The following FOXP2 variants were observed in gnomAD, a reference collection of about 807,000 sequenced individuals.
The protein encoded by FOXP2 is forkhead box protein P2.
A neutral mutation model predicts 115.8 loss-of-function variants in FOXP2; 12 were observed. That is an observed-to-expected ratio of 0.10 (90% CI 0.07 to 0.17). The LOEUF is 0.17. Among genes scored for constraint, FOXP2 ranks in the 10% least tolerant of loss-of-function variants. The pLI, the probability that FOXP2 is intolerant of heterozygous loss-of-function variation, is 1.00. For synonymous variants in FOXP2, 328 were observed against 297.7 expected, an observed-to-expected ratio of 1.10 and a Z score of -1.05; for missense variants, 629 against 843.5, an observed-to-expected ratio of 0.75 and a Z score of 3.15.
intron 1 of FOXP2, among the ~76,000 whole-genome samples, chr7:114,426,049 C>T (rs1275868710): frequency 6.6e-6 from 1 of 151,646 alleles, no homozygotes; most frequent in African/African-American, 2.4e-5. Flanking sequence ...CATCATTAAA[C>T]AACAGCCTTG....
intron 1 of FOXP2, among the ~76,000 whole-genome samples, chr7:114,154,310 T>C (rs1283307702): frequency 6.6e-6 from 1 of 152,012 alleles, no homozygotes; most frequent in African/African-American, 2.4e-5. Flanking sequence ...CAAACTCAAT[T>C]GTCAGGGCAA....
intron 2 of FOXP2, chr7:114,297,373 T>C: frequency 1.4e-6 from 1 of 722,624 alleles, no homozygotes; most frequent in Non-Finnish European, 2.3e-6. Context: ...CTCACGTTCT[T>C]GGTCACCTTG....
chr7:114,289,938 TG>T (rs773524444), intron 2 of FOXP2, among the ~76,000 whole-genome samples: 21 of 151,872 alleles, frequency 1.4e-4, no homozygotes, highest in Non-Finnish European at 2.8e-4. Context: ...AGGAAGAAAA[TG>T]TTGGAGAAGC....
chr7:114,212,570 C>A (rs1198936797), intron 1 of FOXP2, among the ~76,000 whole-genome samples: 1 of 150,690 alleles, frequency 6.6e-6, no homozygotes, highest in Non-Finnish European at 1.5e-5. Flanking sequence ...AAAAAAAAAA[C>A]AAGGAGTTTG....
At chr7:114,219,477 A>G (rs1794563693) in intron 1 of FOXP2, among the ~76,000 whole-genome samples, 1 of 152,206 alleles carries the variant, frequency 6.6e-6, no homozygotes, top group Non-Finnish European at 1.5e-5. Context: ...TCTTATCAAT[A>G]GTAACAGCTA....
intron 2 of FOXP2, among the ~76,000 whole-genome samples, chr7:114,434,304 T>C (rs946240693): frequency 6.6e-6 from 1 of 151,768 alleles, no homozygotes; most frequent in African/African-American, 2.4e-5. Flanking sequence ...ATAATTGAGA[T>C]TAGTGAGAAA....
intron 2 of FOXP2, among the ~76,000 whole-genome samples, chr7:114,512,572 T>C (rs996373449): frequency 6.6e-6 from 1 of 152,188 alleles, no homozygotes; most frequent in Non-Finnish European, 1.5e-5. Flanking sequence ...GCCAAAGGTT[T>C]GCTCAGTGAT....
At chr7:114,502,167 T>G (rs1386916360) in intron 2 of FOXP2, among the ~76,000 whole-genome samples, 3 of 152,080 alleles carry the variant, frequency 2.0e-5, no homozygotes, top group Admixed American at 2.0e-4. Flanking sequence ...TATTGTAAAT[T>G]TTTTTGGTCA....
chr7:114,553,082 C>A (rs972893859), intron 3 of FOXP2, among the ~76,000 whole-genome samples: 4 of 151,436 alleles, frequency 2.6e-5, no homozygotes, highest in Non-Finnish European at 5.9e-5. Context: ...TAAAAAAAAA[C>A]TGACAAAGTA....
chr7:114,413,627 C>A (rs551260222), upstream of FOXP2, among the ~76,000 whole-genome samples: 2 of 152,180 alleles, frequency 1.3e-5, no homozygotes, highest in Non-Finnish European at 2.9e-5. Flanking sequence ...AGAAATAGTG[C>A]AGCCTCAGGG....
chr7:114,267,220 A>G (rs1795915762), intron 1 of FOXP2, among the ~76,000 whole-genome samples: 2 of 152,158 alleles, frequency 1.3e-5, no homozygotes, highest in African/African-American at 4.8e-5. Flanking sequence ...CCAGCTTTCT[A>G]GATCCTAAAG....
rs1791582699 is a variant in FOXP2, at chr7:114,122,131, T to C, written c.-247+34293T>C. 2.0e-5 allele frequency among the ~76,000 whole-genome samples: 3 copies of C among 151,744 alleles called. No homozygotes were observed. In the South Asian group the frequency reaches 6.2e-4, roughly 32 times the overall value. ...ATTTTCTTCATAAACTTGAAGTAAA[T>C]AACTATTTTTCTTGGCATAAAACAC... On this transcript the variant is annotated intron_variant, in intron 1 of 19. Transcript: ENST00000635638.
chr7:114,557,963 C>A (rs1255386043), intron 3 of FOXP2, among the ~76,000 whole-genome samples: 2 of 151,986 alleles, frequency 1.3e-5, no homozygotes. Context: ...TGCCCACCAC[C>A]ACACCTGGCT....
intron 2 of FOXP2, among the ~76,000 whole-genome samples, chr7:114,455,039 AT>A (rs1300225091): frequency 7.2e-5 from 11 of 151,974 alleles, no homozygotes; most frequent in Non-Finnish European, 1.0e-4. Context: ...AGAAAAAAAA[AT>A]CTTGATGTTT....
intron 1 of FOXP2, among the ~76,000 whole-genome samples, chr7:114,260,898 GA>G (rs142946813): frequency 0.076 from 11,538 of 151,940 alleles, 1,048 homozygotes; most frequent in African/African-American, 0.22. Flanking sequence ...AGAAATTAAC[GA>G]GTGGGTGGAA....
chr7:114,215,568 T>C (rs1429400683), intron 1 of FOXP2, among the ~76,000 whole-genome samples: 1 of 152,156 alleles, frequency 6.6e-6, no homozygotes, highest in Non-Finnish European at 1.5e-5. Context: ...AAATCCATGA[T>C]AAAGAAAATG....
At chr7:114,364,596 T>G (rs2129188162) in intron 2 of FOXP2, among the ~76,000 whole-genome samples, 1 of 152,350 alleles carries the variant, frequency 6.6e-6, no homozygotes, top group African/African-American at 2.4e-5. Flanking sequence ...ACTTTCTTCC[T>G]TTAAAATTTA....
At chr7:114,480,613 A>G (rs1796485200) in intron 2 of FOXP2, among the ~76,000 whole-genome samples, 1 of 150,306 alleles carries the variant, frequency 6.7e-6, no homozygotes. Flanking sequence ...ATACATATAT[A>G]AACATATATA....
intron 1 of FOXP2, among the ~76,000 whole-genome samples, chr7:114,206,889 A>G (rs1047441967): frequency 2.0e-5 from 3 of 152,186 alleles, no homozygotes; most frequent in East Asian, 1.9e-4. Context: ...GATTTATGCA[A>G]CTGTCAGCAT....
Sources: gnomAD v4.1 joint callset for allele counts (sites outside exome capture counted in the v4.1 genomes callset) on GRCh38, gnomAD v4.1.1 for gene constraint, MANE v1.5 for transcripts, NCBI Gene and HGNC (gene_info 2026-07-23, HGNC 2026-07-21) for gene names.